Variants in MKI67 observed in about 807,000 individuals in gnomAD.
The protein encoded by MKI67 is marker of proliferation Ki-67.
MKI67 carries 152 observed loss-of-function variants against 233.5 expected under a neutral mutation model. The ratio of observed to expected loss-of-function variants is 0.65; its 90% CI spans 0.57 to 0.74. The LOEUF (loss-of-function observed/expected upper bound fraction) is 0.74. MKI67 is among the 30% of genes least tolerant of loss of function. MKI67 has a pLI of 0.00. For synonymous variants in MKI67, 1,465 were observed against 1,418.5 expected, an observed-to-expected ratio of 1.03 and a Z score of -0.74; for missense variants, 3,940 against 3,885.2, an observed-to-expected ratio of 1.01 and a Z score of -0.37.
In MKI67 at chr10:128,098,780, T is replaced by G. The variant is rs928441417; in HGVS notation, c.*410A>C. 2 of 156,690 alleles carry G rather than the reference T, an allele frequency of 1.3e-5. No individual in the cohort carries two copies. Among genetic ancestry groups the G allele is most frequent in the African/African-American group, 4.8e-5 (2 of 41,526 alleles). The allele number at this position is 156,690 out of a possible 1,614,324, so 9.7% of individuals were successfully genotyped here. A position where few individuals can be genotyped will look rare whatever the true frequency, so the allele number is the denominator to read the frequency against. ...CATCCATTCATTCGTGTTTACCGAG[T>G]GCCTGCTCAGTGTTGGGACAGACGA... On this transcript the variant is annotated 3_prime_UTR_variant, in exon 15 of 15. Coordinates refer to ENST00000368654, the MANE Select transcript of MKI67 (RefSeq NM_002417.5).
intron 2 of MKI67, among the ~76,000 whole-genome samples, chr10:128,124,871 T>C (rs1180821933): frequency 6.6e-6 from 1 of 151,968 alleles, no homozygotes; most frequent in African/African-American, 2.4e-5. Context: ...TGGAATGCCT[T>C]AGGCGGGAGG....
Position 128,106,419 on chromosome 10 carries a change from G to C in MKI67, c.5421C>G (p.Asp1807Glu), listed in dbSNP as rs1852497008. The C allele has an allele frequency of 1.2e-6, 2 of 1,613,044 alleles. No individual in the cohort carries two copies. Among genetic ancestry groups the C allele is most frequent in the Non-Finnish European group, 1.7e-6 (2 of 1,179,870 alleles). Residue 1807 changes from aspartate (D) to glutamate (E), a missense_variant, in exon 13 of 15, where the codon GAC becomes GAG. Asp to Glu is a conservative substitution (Grantham distance 45). Coordinates refer to ENST00000368654, the MANE Select transcript of MKI67 (RefSeq NM_002417.5). ...TGCTGCCAGGTAAATTTCCTGGCTG[G>C]TCCAGTTTCTGCACTGGAGTTCCCA... ...TFLGTPVQKL[D>E]QPGNLPGSNR...
chr10:128,120,167 T>C (rs147726734), intron 4 of MKI67, among the ~76,000 whole-genome samples: 6 of 152,300 alleles, frequency 3.9e-5, no homozygotes, highest in East Asian at 1.9e-4. Context: ...TTTTGAAAAA[T>C]AGTTCAGCCC....
rs1194995970 is a variant in MKI67, at chr10:128,105,333, G to A, written c.6507C>T (p.Asp2169=). The A allele has an allele frequency of 1.9e-6, 3 of 1,614,050 alleles. No homozygotes were observed. Among genetic ancestry groups the A allele is most frequent in the South Asian group, 2.2e-5 (2 of 91,086 alleles). ...VFRETAKQKL[D]PAASVTGSKR... is the part of the protein sequence containing the mutation. Reference sequence around the variant, plus strand: ...TGCTACCAGTTACACTTGCTGCTGGGTCCAGTTTCTGTTTTGCAGTTTCCC... The same window carrying A: ...TGCTACCAGTTACACTTGCTGCTGGATCCAGTTTCTGTTTTGCAGTTTCCC... Residue 2169 remains aspartate (D), a synonymous_variant, in exon 13 of 15, where the codon GAC becomes GAT. Coordinates refer to ENST00000368654, the MANE Select transcript of MKI67 (RefSeq NM_002417.5).
rs1293412867 is a variant in MKI67 at position 128,107,581 on chromosome 10, G to C, written c.4259C>G (p.Thr1420Arg). ...LTQTSGETTH[T>R]DKVPGGEDKS... ...ATCCTCACCTCCTGGTACTTTATCT[G>C]TGTGTGTGGTTTCCCCTGATGTCTG... is the stretch of plus-strand genomic sequence containing the variant. Residue 1420 changes from threonine (T) to arginine (R), a missense_variant, in exon 13 of 15, where the codon ACA (threonine) becomes AGA (arginine). Coordinates refer to ENST00000368654, the MANE Select transcript of MKI67 (RefSeq NM_002417.5). The C allele has an allele frequency of 4.3e-6, 7 of 1,614,096 alleles. No homozygotes were observed. The highest frequency in any genetic ancestry group is 5.9e-6 in the Non-Finnish European group (7 of 1,180,028).
chr10:128,112,204 C>A lies in MKI67; in HGVS notation c.1898G>T (p.Arg633Leu). ...NLPSKRVSIS[R>L]SQHDILQMIC... ...CATCTGTAAAATATCATGTTGACTT[C>A]GGCTGATAGACACTCTCTTTGAAGG... Residue 633 changes from arginine (R) to leucine (L), a missense_variant, in exon 9 of 15, where the codon CGA becomes CTA. Transcript: ENST00000368654. 2 of 1,614,204 alleles carry A rather than the reference C, an allele frequency of 1.2e-6. No homozygotes were observed. The highest frequency in any genetic ancestry group is 1.7e-6 in the Non-Finnish European group (2 of 1,180,020).
At position 128,115,097 on chromosome 10, in the gene MKI67, A is replaced by C; in HGVS notation, c.1311T>G (p.Thr437=). The C allele has an allele frequency of 6.2e-7, 1 of 1,613,962 alleles. No homozygotes were observed. The highest frequency in any genetic ancestry group is 1.3e-5 in the African/African-American group (1 of 75,030). Reference sequence around the variant, plus strand: ...TTAAAAATGGCTCATTGTGAATTTCAGTTTCCGTAGGCAGAACTTCCACAT... The same window carrying C: ...TTAAAAATGGCTCATTGTGAATTTCCGTTTCCGTAGGCAGAACTTCCACAT... ...PTDVEVLPTE[T]EIHNEPFLTL... is the part of the protein sequence containing the mutation. The change falls in exon 7 of 15, where the codon ACT becomes ACG. Residue 437 remains threonine, a synonymous_variant. Coordinates refer to ENST00000368654, the MANE Select transcript of MKI67 (RefSeq NM_002417.5).
In MKI67 at chr10:128,105,502, G is replaced by A. The variant is rs374694036; in HGVS notation, c.6338C>T (p.Thr2113Ile). Residue 2113 changes from threonine (T) to isoleucine (I), a missense_variant, in exon 13 of 15, where the codon ACT (threonine) becomes ATT (isoleucine). Physicochemically the swap from Thr to Ile is moderately conservative, Grantham distance 89 (BLOSUM62 -1). Coordinates refer to ENST00000368654, the MANE Select transcript of MKI67 (RefSeq NM_002417.5). ...CKSPPPESMD[T>I]PTSTRRRPKT... ...GGGCCGCCTCCTTGTGCTTGTTGGA[G>A]TGTCCATTGATTCTGGTGGTGGAGA... The A allele has an allele frequency of 3.1e-6, 5 of 1,613,910 alleles. No homozygotes were observed. Among genetic ancestry groups the A allele is most frequent in the Non-Finnish European group, 4.2e-6 (5 of 1,180,028 alleles).
chr10:128,116,380 C>T, intron 6 of MKI67, 111 bp downstream of exon 6: 1 of 972,782 alleles, frequency 1.0e-6, no homozygotes, highest in Non-Finnish European at 1.6e-6. Context: ...TCCTCCATTT[C>T]TGACAGGCTA....
chr10:128,104,285 T>C lies in MKI67; in HGVS notation c.7555A>G (p.Ser2519Gly), dbSNP rs749116587. 7.4e-6 allele frequency: 12 copies of C among 1,614,056 alleles called. No individual in the cohort carries two copies. Among genetic ancestry groups the C allele is most frequent in the Non-Finnish European group, 9.3e-6 (11 of 1,180,026 alleles). Residue 2519 changes from serine (S) to glycine (G), a missense_variant, in exon 13 of 15, where the codon AGT becomes GGT. Ser to Gly is a moderately conservative substitution (Grantham distance 56). Coordinates refer to ENST00000368654, the MANE Select transcript of MKI67 (RefSeq NM_002417.5). ...TCCTTAAACGCTTTGATGCTCTTACTATCTCCTGTTGGCTCTGTGTGTGTT... is the reference window on the plus strand; with the variant it reads ...TCCTTAAACGCTTTGATGCTCTTACCATCTCCTGTTGGCTCTGTGTGTGTT... ...TQTHTEPTGDSKSIKAFKESP... is the reference protein window; with the variant it reads ...TQTHTEPTGDGKSIKAFKESP...
At chr10:128,100,579 C>T (rs1357628351) in intron 14 of MKI67, among the ~76,000 whole-genome samples, 1 of 152,124 alleles carries the variant, frequency 6.6e-6, no homozygotes, top group Non-Finnish European at 1.5e-5. Flanking sequence ...GGGAGCAATT[C>T]AACCTATTTT....
intron 5 of MKI67, among the ~76,000 whole-genome samples, chr10:128,118,843 C>T (rs1308427853): frequency 1.3e-5 from 2 of 152,174 alleles, no homozygotes; most frequent in African/African-American, 4.8e-5. Context: ...ATCTTTGGCA[C>T]TCATGATTTT....
chr10:128,117,184 C>T (rs1336224398), intron 5 of MKI67, among the ~76,000 whole-genome samples: 1 of 152,136 alleles, frequency 6.6e-6, no homozygotes, highest in African/African-American at 2.4e-5. Flanking sequence ...CAATATTAAA[C>T]ATCACCTATA....
At position 128,103,674 on chromosome 10, in the gene MKI67, C is replaced by T. The variant is rs764951105; in HGVS notation, c.8166G>A (p.Arg2722=). ...EVVDTTASTK[R]HLRTRVQKVQ... is the part of the protein sequence containing the mutation. ...CCTTCTGCACACGTGTCCTGAGATGCCTCTTTGTGCTTGCTGTGGTGTCTA... is the reference window on the plus strand; with the variant it reads ...CCTTCTGCACACGTGTCCTGAGATGTCTCTTTGTGCTTGCTGTGGTGTCTA... Residue 2722 remains arginine, a synonymous_variant, in exon 13 of 15, where the codon AGG becomes AGA. Coordinates refer to ENST00000368654, the MANE Select transcript of MKI67 (RefSeq NM_002417.5). The T allele has an allele frequency of 6.2e-7, 1 of 1,614,110 alleles. No homozygotes were observed.
At chr10:128,111,845 G>C (rs757035773) in intron 10 of MKI67, 29 bp from the exon 11 acceptor site, 1 of 1,610,548 alleles carries the variant, frequency 6.2e-7, no homozygotes, top group Non-Finnish European at 8.5e-7. Flanking sequence ...AGGTAAACAG[G>C]ACATTAAAGC....
chr10:128,110,397 G>T lies in MKI67; in HGVS notation c.2397C>A (p.Leu799=). The T allele has an allele frequency of 6.4e-7, 1 of 1,571,662 alleles. No individual in the cohort carries two copies. Among genetic ancestry groups the T allele is most frequent in the South Asian group, 1.2e-5 (1 of 86,728 alleles). Residue 799 remains leucine (L), a synonymous_variant, in exon 12 of 15, where the codon CTC becomes CTA. Transcript: ENST00000368654. ...QGTDSGEEPL[L]PTSESFGGNV... ...ACCAACCAAAACTCTCTGAGGTGGG[G>T]AGCAGAGGTTCTTCTCCTGAATCAG...
intron 7 of MKI67, 117 bp downstream of exon 7, chr10:128,114,810 CT>C (rs1342167788): frequency 9.7e-7 from 1 of 1,028,834 alleles, no homozygotes; most frequent in African/African-American, 1.6e-5. Context: ...ATCCCTGTGC[CT>C]TATGTGCTTA....
At chr10:128,121,438 A>G (rs1393604483) in intron 4 of MKI67, among the ~76,000 whole-genome samples, 2 of 140,230 alleles carry the variant, frequency 1.4e-5, no homozygotes, top group Non-Finnish European at 3.1e-5. Context: ...TATAGTATAT[A>G]CTGTATACAG....
Position 128,115,281 on chromosome 10 carries a change from T to C in MKI67, c.1127A>G (p.Asn376Ser), listed in dbSNP as rs1852776259. ...LYTTGRRESV[N>S]LGKSEGFKAG... ...CTTGAAGCCTTCACTTTTACCCAGA[T>C]TCACAGATTCTCTTCTACCAGTAGT... Residue 376 changes from asparagine (N) to serine (S), a missense_variant, in exon 7 of 15, where the codon AAT becomes AGT. By Grantham distance (46) the Asn-to-Ser change is conservative. Transcript: ENST00000368654. 1.2e-6 allele frequency: 2 copies of C among 1,614,066 alleles called. No homozygotes were observed. Among genetic ancestry groups the C allele is most frequent in the African/African-American group, 2.7e-5 (2 of 75,014 alleles).
Sources: allele counts gnomAD v4.1 joint callset (sites outside exome capture counted in the v4.1 genomes callset), GRCh38; gene constraint gnomAD v4.1.1; transcripts MANE v1.5; gene names NCBI Gene and HGNC (gene_info 2026-07-23, HGNC 2026-07-21).